The following ACSM3 variants were observed in gnomAD, a reference collection of about 807,000 sequenced individuals.
ACSM3 encodes acyl-CoA synthetase medium chain family member 3.
In ACSM3, 61 loss-of-function variants were observed where a neutral mutation model predicts 74.1. That is an observed-to-expected ratio of 0.82 (90% CI 0.67 to 1.02). ACSM3 has a LOEUF of 1.02. Among genes scored for constraint, ACSM3 ranks in the 50% least tolerant of loss-of-function variants. ACSM3 has a pLI of 0.00. For synonymous variants in ACSM3, 213 were observed against 241.5 expected (o/e 0.88, Z 1.09); for missense variants, 660 against 697.0 (o/e 0.95, Z 0.60).
In ACSM3 at chr16:20,781,051, G is replaced by C. The variant is rs2080342162; in HGVS notation, c.860G>C (p.Ser287Thr). ...GGCTGGGCAAAGTCTGCATGGAGTA[G>C]TGTTTTTTCTCCGTGGATCCAGGGA... ...DTGWAKSAWS[S>T]VFSPWIQGAC... is the part of the protein sequence containing the mutation. The change falls in exon 6 of 14, where the codon AGT becomes ACT. Residue 287 changes from serine to threonine, a missense_variant. Ser to Thr is a moderately conservative substitution (Grantham distance 58). Transcript: ENST00000289416. The C allele has an allele frequency of 6.2e-7, 1 of 1,614,092 alleles. No individual in the cohort carries two copies. Among genetic ancestry groups the C allele is most frequent in the Non-Finnish European group, 8.5e-7 (1 of 1,180,048 alleles).
intron 4 of ACSM3, among the ~76,000 whole-genome samples, chr16:20,778,799 G>A (rs1287819946): frequency 6.6e-6 from 1 of 152,102 alleles, no homozygotes; most frequent in African/African-American, 2.4e-5. Context: ...CACCCAGGCT[G>A]GAGTGTAGTG....
chr16:20,780,915 G>A lies in ACSM3; in HGVS notation c.782+58G>A, dbSNP rs575803623. 1.7e-4 allele frequency: 275 copies of A among 1,612,804 alleles called. 4 individuals carry two copies. The African/African-American group carries it at 2.8e-3, about 16-fold the overall frequency. On this transcript the variant is annotated intron_variant, in intron 5 of 13. Coordinates refer to ENST00000289416, the MANE Select transcript of ACSM3 (RefSeq NM_005622.4). ...CAAAACTGCAAAGATGATGACTTAT[G>A]TACTGGTCTTTTATATTTATTTTCC...
chr16:20,676,342 A>G (rs1292894684), intron 1 of ACSM3, among the ~76,000 whole-genome samples: 3 of 152,204 alleles, frequency 2.0e-5, no homozygotes, highest in African/African-American at 7.2e-5. Flanking sequence ...AGAAAAAGGC[A>G]ACCAATATAA....
intron 1 of ACSM3, among the ~76,000 whole-genome samples, chr16:20,694,130 T>TA (rs762107501): frequency 3.9e-5 from 6 of 152,238 alleles, no homozygotes; most frequent in Non-Finnish European, 7.3e-5. Context: ...TTTCACGAGT[T>TA]ACTTCCTCTT....
intron 1 of ACSM3, among the ~76,000 whole-genome samples, chr16:20,747,417 A>C (rs28718891): frequency 0.018 from 2,724 of 152,258 alleles, 79 homozygotes; most frequent in African/African-American, 0.062. Context: ...TAAGCTGCTT[A>C]CCCACCCTAC....
intron 1 of ACSM3, among the ~76,000 whole-genome samples, chr16:20,694,607 T>C (rs568637272): frequency 3.9e-5 from 6 of 152,130 alleles, no homozygotes; most frequent in Non-Finnish European, 7.3e-5. Flanking sequence ...TCACCATTTT[T>C]CCTGAAGACA....
chr16:20,777,637 A>G (rs2080272065), intron 4 of ACSM3, 57 bp downstream of exon 4: 1 of 1,469,900 alleles, frequency 6.8e-7, no homozygotes, highest in East Asian at 2.3e-5. Flanking sequence ...AACAATAAAA[A>G]GATATTAAAC....
chr16:20,703,786 T>C (rs1315995616), intron 1 of ACSM3: 1 of 152,214 alleles, frequency 6.6e-6, no homozygotes, highest in East Asian at 1.9e-4. Flanking sequence ...CCTACCAAAG[T>C]GCTGGGATTA....
intron 1 of ACSM3, chr16:20,680,373 G>A (rs1489005044): frequency 5.3e-5 from 8 of 152,166 alleles, no homozygotes; most frequent in Non-Finnish European, 1.2e-4. Flanking sequence ...ATAAGCCAGT[G>A]CCTGAGCTTC....
chr16:20,715,602 T>C (rs970279751), intron 1 of ACSM3, among the ~76,000 whole-genome samples: 3 of 141,748 alleles, frequency 2.1e-5, no homozygotes, highest in Admixed American at 7.2e-5. Context: ...AGACTCCATC[T>C]CAAAACAAAA....
chr16:20,706,606 G>C (rs1466381049), intron 1 of ACSM3, among the ~76,000 whole-genome samples: 1 of 152,196 alleles, frequency 6.6e-6, no homozygotes, highest in Non-Finnish European at 1.5e-5. Context: ...ACTCATTGAT[G>C]GTGGTCCTAA....
intron 1 of ACSM3, chr16:20,738,336 A>G: frequency 2.4e-6 from 1 of 411,606 alleles, no homozygotes; most frequent in Non-Finnish European, 4.7e-6. Context: ...AAATTCTGTG[A>G]GTCACTTTAA....
Position 20,736,849 on chromosome 16 carries a change from G to T in ACSM3, c.-189-13061G>T, listed in dbSNP as rs1378494979. ...AGCAACATCTCGTAGAGCCCCAGGT[G>T]AGAAACCCACCTCCAACACCAAATG... On this transcript the variant is annotated intron_variant, in intron 1 of 3. Coordinates refer to the ACSM3 transcript ENST00000561584. The T allele has an allele frequency of 1.9e-6, 3 of 1,603,430 alleles. No individual in the cohort carries two copies. In the South Asian group the frequency reaches 3.3e-5, roughly 18 times the overall value.
chr16:20,766,854 C>A (rs1334554994), intron 1 of ACSM3, among the ~76,000 whole-genome samples: 2 of 152,048 alleles, frequency 1.3e-5, no homozygotes, highest in African/African-American at 4.8e-5. Context: ...TTTTAGTGGG[C>A]AGAATAGTGT....
At chr16:20,741,732 G>C in intron 1 of ACSM3, 1 of 1,569,222 alleles carries the variant, frequency 6.4e-7, no homozygotes, top group Non-Finnish European at 8.6e-7. Context: ...CTGGGCAGGG[G>C]CCGCCATGGT....
intron 1 of ACSM3, among the ~76,000 whole-genome samples, chr16:20,707,736 C>T (rs1433033241): frequency 1.3e-5 from 2 of 152,162 alleles, no homozygotes; most frequent in African/African-American, 4.8e-5. Context: ...GTTAAGGGAA[C>T]TTAACAGAAC....
chr16:20,770,254 G>T lies in ACSM3; in HGVS notation c.219+1G>T, dbSNP rs772081676. The T allele has an allele frequency of 3.1e-6, 5 of 1,613,224 alleles. No individual in the cohort carries two copies. The East Asian group carries it at 1.1e-4, about 36-fold the overall frequency. ...GGACCAATGGACTGATAAGGAAAAG[G>T]TATGGGGGGAGGGCCAGTCAGACCA... On this transcript the variant is annotated splice_donor_variant, in intron 2 of 13. Coordinates refer to ENST00000289416, the MANE Select transcript of ACSM3 (RefSeq NM_005622.4). LOFTEE classifies it high-confidence loss of function.
At chr16:20,738,830 T>C in intron 1 of ACSM3, 1 of 1,557,622 alleles carries the variant, frequency 6.4e-7, no homozygotes, top group South Asian at 1.2e-5. Context: ...TTGTAAGCAG[T>C]ATTCCCTGAG....
intron 3 of ACSM3, 101 bp downstream of exon 3, chr16:20,776,150 T>G: frequency 7.6e-7 from 1 of 1,316,696 alleles, no homozygotes; most frequent in South Asian, 1.3e-5. Context: ...GTTGTGGGCT[T>G]ATTGTCAAAG....
Sources: gnomAD v4.1 joint callset for allele counts (sites outside exome capture counted in the v4.1 genomes callset) on GRCh38, gnomAD v4.1.1 for gene constraint, MANE v1.5 for transcripts, NCBI Gene and HGNC (gene_info 2026-07-23, HGNC 2026-07-21) for gene names.